The following NAV2 variants were observed in gnomAD, a reference collection of about 807,000 sequenced individuals.
The protein encoded by NAV2 is helicase, APC down-regulated 1.
In NAV2, 54 loss-of-function variants were observed where a neutral mutation model predicts 223.2. The ratio of observed to expected loss-of-function variants is 0.24; its 90% CI spans 0.19 to 0.30. The LOEUF (loss-of-function observed/expected upper bound fraction) is 0.30. NAV2 is among the 10% of genes least tolerant of loss of function. The pLI is 1.00. For synonymous variants in NAV2, 1,279 were observed against 1,239.3 expected (o/e 1.03, Z -0.67); for missense variants, 2,806 against 3,147.5 (o/e 0.89, Z 2.60).
At chr11:19,466,474 C>T (rs928228916) in intron 1 of NAV2, among the ~76,000 whole-genome samples, 1 of 152,210 alleles carries the variant, frequency 6.6e-6, no homozygotes, top group African/African-American at 2.4e-5. Context: ...GTGCCAAAGC[C>T]AGCTGCTGCT....
intron 1 of NAV2, among the ~76,000 whole-genome samples, chr11:19,619,340 C>T (rs2046912201): frequency 6.6e-6 from 1 of 152,144 alleles, no homozygotes; most frequent in Non-Finnish European, 1.5e-5. Context: ...ACCACACTGA[C>T]TTCCACAATG....
intron 1 of NAV2, among the ~76,000 whole-genome samples, chr11:19,684,770 A>G (rs1381313768): frequency 5.9e-5 from 9 of 152,154 alleles, no homozygotes; most frequent in Admixed American, 5.9e-4. Flanking sequence ...GGGATGATTG[A>G]CTATGGGAAT....
intron 1 of NAV2, among the ~76,000 whole-genome samples, chr11:19,812,728 G>T (rs1263197424): frequency 6.6e-6 from 1 of 152,074 alleles, no homozygotes; most frequent in Non-Finnish European, 1.5e-5. Context: ...CTGCATACCA[G>T]AGTTTTGTCT....
intron 11 of NAV2, among the ~76,000 whole-genome samples, chr11:20,023,674 G>A (rs554981117): frequency 4.1e-5 from 6 of 145,368 alleles, no homozygotes; most frequent in South Asian, 2.2e-4. Context: ...TGAACTTGTG[G>A]TTGTGTTTAT....
chr11:19,702,993 G>A (rs2049553639), intron 1 of NAV2, among the ~76,000 whole-genome samples: 3 of 151,128 alleles, frequency 2.0e-5, no homozygotes, highest in Admixed American at 2.0e-4. Context: ...AAGAACTGCT[G>A]TTAACAATTC....
chr11:19,667,288 G>A (rs1458633205), intron 1 of NAV2, among the ~76,000 whole-genome samples: 4 of 152,328 alleles, frequency 2.6e-5, no homozygotes, highest in African/African-American at 9.6e-5. Context: ...GTAGACTCTG[G>A]GGATTGAAAA....
intron 1 of NAV2, among the ~76,000 whole-genome samples, chr11:19,382,526 G>A (rs1848883400): frequency 6.6e-6 from 1 of 152,176 alleles, no homozygotes; most frequent in African/African-American, 2.4e-5. Flanking sequence ...TTCCACACAT[G>A]ACTTTGCTTC....
chr11:19,522,358 G>A (rs2043691533), intron 1 of NAV2, among the ~76,000 whole-genome samples: 1 of 152,210 alleles, frequency 6.6e-6, no homozygotes, highest in Non-Finnish European at 1.5e-5. Flanking sequence ...AGTGGTCCAG[G>A]GAGCATCTGC....
At chr11:19,626,689 C>T (rs1391207995) in intron 1 of NAV2, among the ~76,000 whole-genome samples, 1 of 152,056 alleles carries the variant, frequency 6.6e-6, no homozygotes, top group African/African-American at 2.4e-5. Flanking sequence ...TTGTTTGCAT[C>T]TTCTTAAATT....
At chr11:20,014,825 C>T (rs1278750499) in intron 11 of NAV2, among the ~76,000 whole-genome samples, 2 of 152,154 alleles carry the variant, frequency 1.3e-5, no homozygotes, top group Non-Finnish European at 2.9e-5. Flanking sequence ...TCACTTGAAC[C>T]CGGGAGGCAG....
chr11:19,352,165 C>A (rs1041236313), intron 1 of NAV2, among the ~76,000 whole-genome samples: 5 of 151,984 alleles, frequency 3.3e-5, no homozygotes, highest in Non-Finnish European at 5.9e-5. Flanking sequence ...ATCTTGGGAA[C>A]CTAGATAAGT....
chr11:19,388,716 C>A (rs1355846236), intron 1 of NAV2, among the ~76,000 whole-genome samples: 1 of 152,094 alleles, frequency 6.6e-6, no homozygotes, highest in Non-Finnish European at 1.5e-5. Context: ...AAGATAATAT[C>A]TGTGAAATCT....
intron 1 of NAV2, among the ~76,000 whole-genome samples, chr11:19,652,342 A>T (rs1363794402): frequency 6.6e-6 from 1 of 152,100 alleles, no homozygotes; most frequent in Non-Finnish European, 1.5e-5. Flanking sequence ...TCCTGGGTCA[A>T]GGCAGCCTCC....
Position 19,808,801 on chromosome 11 carries a change from G to A in NAV2, c.268-23683G>A, listed in dbSNP as rs556407887. ...TTAGAAATAAATCTTCACTTCATGG[G>A]TTATTGAGTATTTAATTCATTTTGG... is the stretch of plus-strand genomic sequence containing the variant. On this transcript the variant is annotated intron_variant, in intron 1 of 37. Coordinates refer to ENST00000349880, the MANE Select transcript of NAV2 (RefSeq NM_145117.5). Among the ~76,000 whole-genome samples the A allele has an allele frequency of 1.1e-3, 163 of 152,288 alleles. 2 individuals are homozygous for A. The highest frequency in any genetic ancestry group is 3.4e-3 in the Middle Eastern group (1 of 294).
upstream of NAV2, among the ~76,000 whole-genome samples, chr11:19,349,295 T>C (rs1433517315): frequency 6.6e-6 from 1 of 152,242 alleles, no homozygotes; most frequent in Non-Finnish European, 1.5e-5. Flanking sequence ...TCCCCTCTGC[T>C]GCTTCTCTCC....
At chr11:19,534,568 TC>T (rs1285774572) in intron 1 of NAV2, among the ~76,000 whole-genome samples, 2 of 152,138 alleles carry the variant, frequency 1.3e-5, no homozygotes, top group African/African-American at 4.8e-5. Flanking sequence ...TGAGGAAAGA[TC>T]TTCAGTTTGA....
intron 1 of NAV2, among the ~76,000 whole-genome samples, chr11:19,676,169 C>T (rs1330032786): frequency 6.6e-6 from 1 of 152,190 alleles, no homozygotes; most frequent in Non-Finnish European, 1.5e-5. Context: ...CCTCCTCGAT[C>T]CCCCTCCCTG....
chr11:19,839,878 C>T (rs1458914089), intron 2 of NAV2, among the ~76,000 whole-genome samples: 4 of 152,174 alleles, frequency 2.6e-5, no homozygotes, highest in Non-Finnish European at 5.9e-5. Flanking sequence ...TTAAGGATGC[C>T]AGTTTTAATC....
At chr11:19,821,440 G>A (rs1039579875) in intron 1 of NAV2, among the ~76,000 whole-genome samples, 8 of 152,078 alleles carry the variant, frequency 5.3e-5, no homozygotes, top group Non-Finnish European at 8.8e-5. Flanking sequence ...TGGAGGTGCT[G>A]TGTACACCCA....
Sources: gnomAD v4.1 joint callset for allele counts (sites outside exome capture counted in the v4.1 genomes callset) on GRCh38, gnomAD v4.1.1 for gene constraint, MANE v1.5 for transcripts, NCBI Gene and HGNC (gene_info 2026-07-23, HGNC 2026-07-21) for gene names.